Variants in INTU observed in about 807,000 individuals in gnomAD.
INTU encodes inturned planar cell polarity protein.
A neutral mutation model predicts 100.5 loss-of-function variants in INTU; 68 were observed. The observed-to-expected ratio is 0.68, with a 90% CI of 0.56 to 0.83. The LOEUF (loss-of-function observed/expected upper bound fraction) is 0.83. INTU is among the 40% of genes least tolerant of loss of function. INTU has a pLI of 0.00. For missense variants in INTU, 1,071 were observed against 1,114.7 expected, an observed-to-expected ratio of 0.96 and a Z score of 0.56; for synonymous variants, 357 against 395.7, an observed-to-expected ratio of 0.90 and a Z score of 1.16.
At chr4:127,639,423 C>G (rs1300996747) in intron 1 of INTU, among the ~76,000 whole-genome samples, 1 of 152,134 alleles carries the variant, frequency 6.6e-6, no homozygotes, top group African/African-American at 2.4e-5. Context: ...GATTAAACTT[C>G]ATCTCCTGGA....
chr4:127,664,056 A>G (rs1372365931), intron 4 of INTU, among the ~76,000 whole-genome samples: 3 of 152,076 alleles, frequency 2.0e-5, no homozygotes, highest in African/African-American at 4.8e-5. Context: ...CTCTGTTACA[A>G]TCAATCCCCT....
At chr4:127,637,434 A>T (rs1203433063) in intron 1 of INTU, among the ~76,000 whole-genome samples, 1 of 152,190 alleles carries the variant, frequency 6.6e-6, no homozygotes, top group Non-Finnish European at 1.5e-5. Flanking sequence ...GAAAATGATT[A>T]TCCACTTATT....
At position 127,633,031 on chromosome 4, in the gene INTU, G is replaced by T. The variant is rs767818615; in HGVS notation, c.-4G>T. The T allele has an allele frequency of 6.2e-7, 1 of 1,611,620 alleles. No individual in the cohort carries two copies. The highest frequency in any genetic ancestry group is 8.5e-7 in the Non-Finnish European group (1 of 1,178,326). ...CTCCACTCGTAGCTATTGCATTCCT[G>T]ACGATGGCCTCTGTGGCTTCGTGCG... On this transcript the variant is annotated 5_prime_UTR_variant, in exon 1 of 16. Transcript: ENST00000335251.
At chr4:127,671,896 C>T (rs921124743) in intron 5 of INTU, among the ~76,000 whole-genome samples, 11 of 152,006 alleles carry the variant, frequency 7.2e-5, no homozygotes, top group African/African-American at 2.7e-4. Flanking sequence ...AGTGAAACAA[C>T]TCAAACAGAA....
rs930414192 is a variant in INTU at position 127,722,813 on chromosome 4, C to T, written c.*6377C>T. The T allele has an allele frequency of 6.6e-6, 1 of 152,344 alleles. No homozygotes were observed. The highest frequency in any genetic ancestry group is 2.4e-5 in the African/African-American group (1 of 41,462). The allele number at this position is 152,344 out of a possible 1,614,324, so 9.4% of individuals were successfully genotyped here. A position where few individuals can be genotyped will look rare whatever the true frequency, so the allele number is the denominator to read the frequency against. Reference sequence around the variant, plus strand: ...TCCTTCCCCACTTCCAGAACTCAGTCGTCTTAGGCAGTTTCTAGCTGGTGG... The same window carrying T: ...TCCTTCCCCACTTCCAGAACTCAGTTGTCTTAGGCAGTTTCTAGCTGGTGG... On this transcript the variant is annotated 3_prime_UTR_variant, in exon 16 of 16. Transcript: ENST00000335251.
At chr4:127,662,328 G>A (rs1357942635) in intron 3 of INTU, among the ~76,000 whole-genome samples, 2 of 152,016 alleles carry the variant, frequency 1.3e-5, no homozygotes, top group Admixed American at 6.6e-5. Context: ...TGCTTTTGGA[G>A]TCTTAGTCAT....
At position 127,711,035 on chromosome 4, in the gene INTU, T is replaced by G. The variant is rs1731074569; in HGVS notation, c.2492T>G (p.Leu831Arg). 6.2e-7 allele frequency: 1 copy of G among 1,609,212 alleles called. No individual in the cohort carries two copies. The highest frequency in any genetic ancestry group is 1.3e-5 in the African/African-American group (1 of 74,878). The change falls in exon 14 of 16, where the codon CTA (leucine) becomes CGA (arginine). Residue 831 changes from leucine to arginine, a missense_variant. Coordinates refer to ENST00000335251, the MANE Select transcript of INTU (RefSeq NM_015693.4). ...AQLSGSIHPQ[L>R]IKNFHQCCLS... ...CTAAGTGGCTCTATCCACCCTCAGC[T>G]AATAAAGAATTTCCATCAGTGTTGT...
intron 3 of INTU, among the ~76,000 whole-genome samples, chr4:127,662,549 A>G (rs375221599): frequency 1.3e-5 from 2 of 152,146 alleles, no homozygotes; most frequent in South Asian, 4.1e-4. Flanking sequence ...CTAGACAAAT[A>G]TTTCCTTTTC....
chr4:127,694,404 T>C (rs1270397233), intron 8 of INTU, among the ~76,000 whole-genome samples: 2 of 152,176 alleles, frequency 1.3e-5, no homozygotes, highest in African/African-American at 4.8e-5. Context: ...TGCTGTGTTA[T>C]CAGTTGTAAT....
At chr4:127,677,497 G>A (rs1433265355) in intron 6 of INTU, among the ~76,000 whole-genome samples, 4 of 150,732 alleles carry the variant, frequency 2.7e-5, no homozygotes, top group African/African-American at 1.0e-4. Flanking sequence ...ACAGGGTCTG[G>A]AGTGGACCTC....
intron 9 of INTU, among the ~76,000 whole-genome samples, chr4:127,703,910 T>C (rs1730760014): frequency 6.6e-6 from 1 of 152,162 alleles, no homozygotes; most frequent in Admixed American, 6.6e-5. Context: ...TATTGGATAC[T>C]GTAGATGATG....
At chr4:127,672,107 A>G (rs1020085315) in intron 5 of INTU, among the ~76,000 whole-genome samples, 7 of 152,146 alleles carry the variant, frequency 4.6e-5, no homozygotes, top group African/African-American at 1.7e-4. Flanking sequence ...TGCAACATCC[A>G]TCTATTAAAA....
At chr4:127,676,217 T>C (rs1262792679) in intron 6 of INTU, among the ~76,000 whole-genome samples, 1 of 151,976 alleles carries the variant, frequency 6.6e-6, no homozygotes, top group Admixed American at 6.6e-5. Flanking sequence ...TTTTTCTGTC[T>C]AAAATAGGAT....
At chr4:127,642,190 C>T (rs961448348) in intron 1 of INTU, among the ~76,000 whole-genome samples, 1 of 152,110 alleles carries the variant, frequency 6.6e-6, no homozygotes, top group African/African-American at 2.4e-5. Context: ...AATATTGATT[C>T]TGTGGGTACA....
intron 4 of INTU, 42 bp from the exon 5 acceptor site, chr4:127,668,994 G>A (rs1159524770): frequency 1.5e-5 from 13 of 896,006 alleles, no homozygotes; most frequent in Non-Finnish European, 1.9e-5. Flanking sequence ...AAAGATAATG[G>A]TTGGAAAATT....
At chr4:127,713,726 A>G (rs1731168645) in intron 14 of INTU, among the ~76,000 whole-genome samples, 1 of 152,204 alleles carries the variant, frequency 6.6e-6, no homozygotes, top group South Asian at 2.1e-4. Context: ...AGTGTTCCCT[A>G]GAAAAGTCAA....
Position 127,717,968 on chromosome 4 carries a change from CTG to C in INTU, c.*1535_*1536del, listed in dbSNP as rs1447609412. 6.6e-6 allele frequency: 1 copy of C among 152,074 alleles called. No individual in the cohort carries two copies. Among genetic ancestry groups the C allele is most frequent in the Non-Finnish European group, 1.5e-5 (1 of 68,012 alleles). 9.4% of individuals were successfully genotyped at this position (152,074 alleles called of 1,614,324 possible). ...TTCACTCTGATGATAGTTTCTTTTG[CTG>C]TGCAGAAGGTCTTTAATTTAACTAG... On this transcript the variant is annotated 3_prime_UTR_variant, in exon 16 of 16. Coordinates refer to ENST00000335251, the MANE Select transcript of INTU (RefSeq NM_015693.4).
chr4:127,663,872 A>C (rs1159645822), intron 4 of INTU, among the ~76,000 whole-genome samples: 1 of 152,144 alleles, frequency 6.6e-6, no homozygotes, highest in South Asian at 2.1e-4. Context: ...TTAGAAGCTA[A>C]GGTCTTTTTA....
In INTU at chr4:127,643,952, A is replaced by T. The variant is rs768982276; in HGVS notation, c.578A>T (p.Lys193Met). 6.2e-7 allele frequency: 1 copy of T among 1,614,164 alleles called. No individual in the cohort carries two copies. ...EVLVGIIHQT[K>M]WSWRRTGKQG... ...CTGGTTGGAATTATTCATCAGACCA[A>T]GTGGAGCTGGAGAAGAACCGGAAAG... is the stretch of plus-strand genomic sequence containing the variant. The change falls in exon 2 of 16, where the codon AAG (lysine) becomes ATG (methionine). Residue 193 changes from lysine (K) to methionine (M), a missense_variant. Coordinates refer to ENST00000335251, the MANE Select transcript of INTU (RefSeq NM_015693.4).
Sources: allele counts gnomAD v4.1 joint callset (sites outside exome capture counted in the v4.1 genomes callset), GRCh38; gene constraint gnomAD v4.1.1; transcripts MANE v1.5; gene names NCBI Gene and HGNC (gene_info 2026-07-23, HGNC 2026-07-21).